RABGAP1: variants seen among roughly 807,000 people sequenced by gnomAD.
The protein encoded by RABGAP1 is rab GTPase-activating protein 1.
RABGAP1 carries 23 observed loss-of-function variants against 137.6 expected under a neutral mutation model. The ratio of observed to expected loss-of-function variants is 0.17; its 90% CI spans 0.12 to 0.24. RABGAP1 has a LOEUF of 0.24. Ranked by LOEUF, RABGAP1 falls within the 10% of genes least tolerant of loss-of-function variation. RABGAP1 has a pLI of 1.00. For missense variants in RABGAP1, 906 were observed against 1,275.8 expected, an observed-to-expected ratio of 0.71 and a Z score of 4.42; for synonymous variants, 451 against 450.7, an observed-to-expected ratio of 1.00 and a Z score of -0.01.
intron 13 of RABGAP1, among the ~76,000 whole-genome samples, chr9:123,047,214 G>A (rs182574428): frequency 6.6e-6 from 1 of 152,272 alleles, no homozygotes; most frequent in Admixed American, 6.5e-5. Context: ...TAATCAAAAT[G>A]TTCTCTTGAT....
chr9:123,010,180 T>G (rs1410973737), intron 10 of RABGAP1, among the ~76,000 whole-genome samples, 174 bp from the exon 11 acceptor site: 1 of 152,066 alleles, frequency 6.6e-6, no homozygotes, highest in East Asian at 1.9e-4. Context: ...TTTTAAAAAG[T>G]TACTTCTAAT....
chr9:123,034,766 T>G, intron 13 of RABGAP1: 1 of 1,613,972 alleles, frequency 6.2e-7, no homozygotes, highest in South Asian at 1.1e-5. Context: ...ACAAGTTATT[T>G]TATCCAGACT....
chr9:123,059,778 C>A (rs1423738801), intron 13 of RABGAP1, among the ~76,000 whole-genome samples: 1 of 152,204 alleles, frequency 6.6e-6, no homozygotes, highest in East Asian at 1.9e-4. Context: ...TCACCAAACA[C>A]TGAATTTTCC....
At position 123,103,402 on chromosome 9, in the gene RABGAP1, C is replaced by G; in HGVS notation, c.*189C>G. 3.9e-6 allele frequency: 3 copies of G among 778,198 alleles called. No homozygotes were observed. The South Asian group carries it at 5.6e-5, about 14-fold the overall frequency. The allele number at this position is 778,198 out of a possible 1,614,324, so 48.2% of individuals were successfully genotyped here. On this transcript the variant is annotated 3_prime_UTR_variant, in exon 26 of 26. Transcript: ENST00000373647. ...AACCTCTGGGGTAAGACTACTGATA[C>G]TAACAGGCCTGCTAGCTCAGCCGAC...
At chr9:123,071,146 A>G (rs182809864) in intron 15 of RABGAP1, among the ~76,000 whole-genome samples, 9 of 152,328 alleles carry the variant, frequency 5.9e-5, no homozygotes, top group Admixed American at 5.9e-4. Flanking sequence ...ACATCCAAGA[A>G]ATTCCACATT....
At chr9:123,091,414 A>G (rs185418562) in intron 21 of RABGAP1, among the ~76,000 whole-genome samples, 30 of 152,302 alleles carry the variant, frequency 2.0e-4, no homozygotes, top group African/African-American at 7.0e-4. Context: ...CCTAGGTAGA[A>G]AGACTATGGT....
chr9:123,044,067 G>GC (rs1564155977), intron 13 of RABGAP1, among the ~76,000 whole-genome samples: 2 of 150,526 alleles, frequency 1.3e-5, no homozygotes, highest in Admixed American at 6.6e-5. Flanking sequence ...TGCATGGCTA[G>GC]TTTTTTTTTG....
At chr9:123,082,559 A>G (rs1242163660) in intron 19 of RABGAP1, among the ~76,000 whole-genome samples, 2 of 152,356 alleles carry the variant, frequency 1.3e-5, no homozygotes, top group East Asian at 1.9e-4. Flanking sequence ...CAAGTGAGAC[A>G]TATGAGGCTA....
chr9:123,014,403 TAAA>T (rs1270063393), intron 11 of RABGAP1, among the ~76,000 whole-genome samples: 1 of 152,184 alleles, frequency 6.6e-6, no homozygotes, highest in Admixed American at 6.5e-5. Flanking sequence ...TAGAAAGTCA[TAAA>T]AACATAAAAG....
the RABGAP1 span, among the ~76,000 whole-genome samples, chr9:122,932,528 C>CT: frequency 0.02 from 2,932 of 150,112 alleles, 42 homozygotes; most frequent in Non-Finnish European, 0.029. Context: ...ATTTCTTCTT[C>CT]TTTTTTTTTC....
chr9:123,098,859 T>G (rs1037839073), intron 23 of RABGAP1, 61 bp downstream of exon 23: 12 of 1,218,030 alleles, frequency 9.9e-6, no homozygotes, highest in African/African-American at 1.6e-5. Flanking sequence ...CTGGATAAAA[T>G]GTATACCCGC....
Position 123,103,203 on chromosome 9 carries a change from A to G in RABGAP1, c.3200A>G (p.Glu1067Gly), listed in dbSNP as rs2035393200. ...IKTATGVQGK[E>G]TC ...ACAGCAACCGGGGTTCAAGGGAAAG[A>G]GACTTGCTGAGAGCAGCTGCCGCCT... is the stretch of plus-strand genomic sequence containing the variant. Residue 1067 changes from glutamate (E) to glycine (G), a missense_variant, in exon 26 of 26, where the codon GAG becomes GGG. This residue lies in a region of RABGAP1 where 193 missense variants were observed against 248.1 expected (regional missense o/e 0.78). Coordinates refer to ENST00000373647, the MANE Select transcript of RABGAP1 (RefSeq NM_012197.4). The G allele has an allele frequency of 1.4e-5, 22 of 1,614,006 alleles. No individual in the cohort carries two copies. Among genetic ancestry groups the G allele is most frequent in the South Asian group, 2.2e-5 (2 of 91,060 alleles).
Position 122,957,166 on chromosome 9 carries a change from C to T in RABGAP1, c.107C>T (p.Pro36Leu). 1 of 1,568,658 alleles carries T rather than the reference C, an allele frequency of 6.4e-7. No homozygotes were observed. The highest frequency in any genetic ancestry group is 8.7e-7 in the Non-Finnish European group (1 of 1,148,612). ...GTTTCCAGGCAAGGAGATGAGACAC[C>T]ATCTACAAATAATGGAAGTGATGAT... ...VLVSRQGDET[P>L]STNNGSDDEK... is the part of the protein sequence containing the mutation. Residue 36 changes from proline (P) to leucine (L), a missense_variant, in exon 2 of 26, where the codon CCA becomes CTA. Physicochemically the swap from Pro to Leu is moderately conservative, Grantham distance 98 (BLOSUM62 -3). Around this residue, in one of 9 missense-constraint regions of RABGAP1, gnomAD observed 331 missense variants for 358.3 expected, o/e 0.92. Transcript: ENST00000373647.
At position 123,035,566 on chromosome 9, in the gene RABGAP1, G is replaced by A. The variant is rs775422505; in HGVS notation, c.1794+15107G>A. 13 of 1,612,066 alleles carry A rather than the reference G, an allele frequency of 8.1e-6. No homozygotes were observed. The East Asian group carries it at 1.3e-4, about 17-fold the overall frequency. The stretch of plus-strand genomic sequence containing the variant: ...TTGTGCAAGTCAGACTACAGCCAAC[G>A]ACCCTTACACAGTTAGAAGCAAAGG... On this transcript the variant is annotated intron_variant, in intron 13 of 25. Coordinates refer to ENST00000373647, the MANE Select transcript of RABGAP1 (RefSeq NM_012197.4).
chr9:123,044,408 G>A (rs973016982), intron 13 of RABGAP1, among the ~76,000 whole-genome samples: 3 of 152,118 alleles, frequency 2.0e-5, no homozygotes, highest in Non-Finnish European at 2.9e-5. Flanking sequence ...AGAAGTATAG[G>A]CAAAGTTAAT....
At chr9:122,972,850 G>T (rs1402473757) in intron 2 of RABGAP1, among the ~76,000 whole-genome samples, 1 of 151,836 alleles carries the variant, frequency 6.6e-6, no homozygotes, top group Non-Finnish European at 1.5e-5. Context: ...AAACATAAAG[G>T]TATGGCCGGG....
intron 10 of RABGAP1, among the ~76,000 whole-genome samples, chr9:123,007,887 A>G (rs1178252727): frequency 6.7e-6 from 1 of 148,996 alleles, no homozygotes; most frequent in African/African-American, 2.4e-5. Flanking sequence ...TAATATATCT[A>G]ATTTAAAAAC....
chr9:122,990,041 C>T lies in RABGAP1; in HGVS notation c.766-15C>T. 3 of 1,574,760 alleles carry T rather than the reference C, an allele frequency of 1.9e-6. No individual in the cohort carries two copies. The highest frequency in any genetic ancestry group is 2.6e-6 in the Non-Finnish European group (3 of 1,153,744). On this transcript the variant is annotated splice_polypyrimidine_tract_variant and intron_variant, in intron 5 of 25. Coordinates refer to ENST00000373647, the MANE Select transcript of RABGAP1 (RefSeq NM_012197.4). ...CTTTTGATAACAGCCCATTTCCTAA[C>T]ATGTCTGGTTGTAGGTAAGCCGGAT...
chr9:123,050,787 C>A (rs1253944500), intron 13 of RABGAP1, among the ~76,000 whole-genome samples: 1 of 152,114 alleles, frequency 6.6e-6, no homozygotes, highest in Non-Finnish European at 1.5e-5. Flanking sequence ...TGATTCCGAG[C>A]CTCCTGAAGG....
Sources: allele counts gnomAD v4.1 joint callset (sites outside exome capture counted in the v4.1 genomes callset), GRCh38; gene constraint gnomAD v4.1.1; regional missense constraint gnomAD v4.1.1; transcripts MANE v1.5; gene names NCBI Gene and HGNC (gene_info 2026-07-23, HGNC 2026-07-21).